CLASP2: variants seen among roughly 807,000 people sequenced by gnomAD.
The protein encoded by CLASP2 is cytoplasmic linker associated protein 2.
Under a neutral mutation model 194.4 loss-of-function variants are expected in CLASP2, and 47 were observed. The observed-to-expected ratio is 0.24, with a 90% CI of 0.19 to 0.31. The LOEUF (loss-of-function observed/expected upper bound fraction) is 0.31, where lower values mean the gene tolerates loss of function less well. CLASP2 is among the 10% of genes least tolerant of loss of function. CLASP2 has a pLI of 1.00. For missense variants in CLASP2, 1,445 were observed against 1,823.6 expected (o/e 0.79, Z 3.78); for synonymous variants, 619 against 633.5 (o/e 0.98, Z 0.34).
chr3:33,705,212 T>A (rs896902673), intron 1 of CLASP2, among the ~76,000 whole-genome samples: 1 of 152,210 alleles, frequency 6.6e-6, no homozygotes, highest in Non-Finnish European at 1.5e-5. Context: ...ATTTTACTCA[T>A]CCATAAATAC....
chr3:33,620,167 GCTC>G (rs779427888), intron 11 of CLASP2, among the ~76,000 whole-genome samples: 159 of 152,116 alleles, frequency 1.0e-3, no homozygotes, highest in Non-Finnish European at 1.7e-3. Context: ...TCAAATCAAT[GCTC>G]CTCAAGATAT....
intron 21 of CLASP2, chr3:33,588,567 A>G: frequency 1.9e-6 from 1 of 516,812 alleles, no homozygotes; most frequent in Non-Finnish European, 3.4e-6. Context: ...GAAAAATCAC[A>G]ATTGGCAATT....
intron 5 of CLASP2, among the ~76,000 whole-genome samples, chr3:33,686,585 C>G (rs997409119): frequency 6.6e-6 from 1 of 152,078 alleles, no homozygotes; most frequent in Non-Finnish European, 1.5e-5. Flanking sequence ...GTCCCTGGTG[C>G]CAAAAAGGTT....
At chr3:33,581,267 G>A (rs948967920) in intron 23 of CLASP2, among the ~76,000 whole-genome samples, 1 of 152,022 alleles carries the variant, frequency 6.6e-6, no homozygotes, top group African/African-American at 2.4e-5. Flanking sequence ...CAATACAGTT[G>A]GGGACAAACA....
intron 10 of CLASP2, among the ~76,000 whole-genome samples, chr3:33,623,125 T>A (rs753787803): frequency 6.6e-6 from 1 of 152,188 alleles, no homozygotes; most frequent in Non-Finnish European, 1.5e-5. Flanking sequence ...TCTTACATTT[T>A]TAATTATTAT....
intron 6 of CLASP2, among the ~76,000 whole-genome samples, chr3:33,667,406 C>CAAAAAAGAAAAAAAA (rs2086379871): frequency 2.3e-5 from 1 of 44,148 alleles, no homozygotes; most frequent in Non-Finnish European, 4.0e-5. Flanking sequence ...GAGACTATCT[C>CAAAAAAGAAAAAAAA]AAAAAAAAAA....
At chr3:33,499,543 A>G (rs1056851925) in intron 38 of CLASP2, among the ~76,000 whole-genome samples, 2 of 151,558 alleles carry the variant, frequency 1.3e-5, no homozygotes, top group Non-Finnish European at 2.9e-5. Flanking sequence ...TAGAGATGGG[A>G]TTTCACCGTG....
Position 33,544,810 on chromosome 3 carries a change from T to A in CLASP2, c.3185A>T (p.Glu1062Val), listed in dbSNP as rs200353593. The A allele has an allele frequency of 9.3e-6, 15 of 1,612,526 alleles. No homozygotes were observed. The African/African-American group carries it at 2.0e-4, about 22-fold the overall frequency. Residue 1062 changes from glutamate to valine, a missense_variant, in exon 31 of 39, where the codon GAA (glutamate) becomes GTA (valine). Physicochemically the swap from Glu to Val is moderately radical, Grantham distance 121. Transcript: ENST00000682230. ...AAQSVLISLFELNTPEFTMLL... is the reference protein window; with the variant it reads ...AAQSVLISLFVLNTPEFTMLL... ...CATTGTAAACTCTGGGGTATTGAGT[T>A]CAAATAATGAAATCAGCACTGACTG...
At chr3:33,633,447 T>A (rs142310254) in intron 8 of CLASP2, among the ~76,000 whole-genome samples, 1 of 152,122 alleles carries the variant, frequency 6.6e-6, no homozygotes, top group African/African-American at 2.4e-5. Context: ...TGGGAGAAAG[T>A]TGTTTCTGGT....
At chr3:33,516,277 G>T in intron 35 of CLASP2, 126 bp from the exon 36 acceptor site, 2 of 654,700 alleles carry the variant, frequency 3.1e-6, no homozygotes, top group South Asian at 3.7e-5. Context: ...TAAAGTATGC[G>T]GTATACTATG....
chr3:33,690,036 G>C, intron 2 of CLASP2, 104 bp from the exon 3 acceptor site: 1 of 659,146 alleles, frequency 1.5e-6, no homozygotes, highest in Non-Finnish European at 2.3e-6. Flanking sequence ...TAAATGAAGA[G>C]TTGTGAGGTA....
chr3:33,563,436 C>T (rs1258502117), intron 27 of CLASP2, among the ~76,000 whole-genome samples: 1 of 152,204 alleles, frequency 6.6e-6, no homozygotes, highest in Non-Finnish European at 1.5e-5. Context: ...ACCACACCAT[C>T]ACTAAAGGCA....
intron 31 of CLASP2, among the ~76,000 whole-genome samples, chr3:33,544,372 G>T (rs2058828323): frequency 6.6e-6 from 1 of 152,084 alleles, no homozygotes; most frequent in African/African-American, 2.4e-5. Context: ...AATAAGAATT[G>T]ATTCATCTAA....
At chr3:33,620,984 T>A (rs985992063) in intron 11 of CLASP2, among the ~76,000 whole-genome samples, 4 of 147,444 alleles carry the variant, frequency 2.7e-5, no homozygotes, top group African/African-American at 1.0e-4. Context: ...CATATTATGA[T>A]CTCTGTAGCT....
intron 33 of CLASP2, among the ~76,000 whole-genome samples, chr3:33,537,804 C>T (rs150540677): frequency 6.6e-6 from 1 of 152,182 alleles, no homozygotes; most frequent in East Asian, 1.9e-4. Context: ...TATCACTACA[C>T]CTAACAGGCA....
intron 11 of CLASP2, among the ~76,000 whole-genome samples, chr3:33,620,326 C>T (rs1300002644): frequency 6.6e-6 from 1 of 152,058 alleles, no homozygotes; most frequent in Non-Finnish European, 1.5e-5. Context: ...CTTCTCTTTC[C>T]AATTGTGTAC....
At chr3:33,565,055 CA>C (rs1177368970) in intron 27 of CLASP2, among the ~76,000 whole-genome samples, 12 of 152,156 alleles carry the variant, frequency 7.9e-5, no homozygotes, top group Non-Finnish European at 1.6e-4. Context: ...ATAGCAACAC[CA>C]ACCCCTCCTC....
chr3:33,669,812 A>G (rs1324142571), intron 6 of CLASP2, among the ~76,000 whole-genome samples: 1 of 152,208 alleles, frequency 6.6e-6, no homozygotes, highest in African/African-American at 2.4e-5. Context: ...TGCAAACAGT[A>G]CCAGTGATAA....
chr3:33,506,456 A>T lies in CLASP2; in HGVS notation c.4317+4102T>A, dbSNP rs189839001. ...ATGTATTTTAATTCATTGTAGTATT[A>T]TTCTAAAGTACTGAAAGTAAGCCTT... is the stretch of plus-strand genomic sequence containing the variant. On this transcript the variant is annotated intron_variant, in intron 37 of 38. Coordinates refer to ENST00000682230, the MANE Select transcript of CLASP2 (RefSeq NM_001365631.1). 5.4e-5 allele frequency among the ~76,000 whole-genome samples: 8 copies of T among 147,116 alleles called. No homozygotes were observed. The Admixed American group carries it at 5.5e-4, about 10-fold the overall frequency.
Sources: gnomAD v4.1 joint callset for allele counts (sites outside exome capture counted in the v4.1 genomes callset) on GRCh38, gnomAD v4.1.1 for gene constraint, MANE v1.5 for transcripts, NCBI Gene and HGNC (gene_info 2026-07-23, HGNC 2026-07-21) for gene names.